TMEM184B: variants seen among roughly 807,000 people sequenced by gnomAD.
TMEM184B encodes transmembrane protein 184B, also known as putative MAPK-activating protein FM08.
A neutral mutation model predicts 41.8 loss-of-function variants in TMEM184B; 17 were observed. The observed-to-expected ratio is 0.41, with a 90% confidence interval of 0.28 to 0.61. TMEM184B has a LOEUF of 0.61. Among genes scored for constraint, TMEM184B ranks in the 20% least tolerant of loss-of-function variants. TMEM184B has a pLI of 0.34. For missense variants in TMEM184B, 393 were observed against 557.8 expected (o/e 0.70, Z 2.98); for synonymous variants, 240 against 229.5 (o/e 1.05, Z -0.41).
At chr22:38,232,682 A>G (rs2091665837) in intron 3 of TMEM184B, among the ~76,000 whole-genome samples, 2 of 152,162 alleles carry the variant, frequency 1.3e-5, no homozygotes, top group South Asian at 4.1e-4. Flanking sequence ...CCTGCAGTAC[A>G]GAGTCCTTTT....
downstream of TMEM184B, among the ~76,000 whole-genome samples, chr22:38,217,785 C>T (rs1460196063): frequency 1.4e-5 from 2 of 147,552 alleles, no homozygotes; most frequent in South Asian, 4.3e-4. Context: ...AAGCTGAGAT[C>T]GCGCCACTGC....
downstream of TMEM184B, among the ~76,000 whole-genome samples, chr22:38,217,773 G>A (rs2091167246): frequency 6.9e-6 from 1 of 145,228 alleles, no homozygotes; most frequent in African/African-American, 2.5e-5. Context: ...AGAGGTTGCA[G>A]TAAGCTGAGA....
Position 38,231,306 on chromosome 22 carries a change from C to T in TMEM184B, c.387G>A (p.Leu129=), listed in dbSNP as rs2091611978. ...EALVIYNFLS[L]CYEYLGGESS... ...TTTCTCCTCCTAGGTACTCATAGCA[C>T]AGGCTCAGGAAATTATAGATGACCA... Residue 129 remains leucine (L), a synonymous_variant, in exon 4 of 9, where the codon CTG becomes CTA. Coordinates refer to ENST00000361906, the MANE Select transcript of TMEM184B (RefSeq NM_012264.5). 1 of 1,614,148 alleles carries T rather than the reference C, an allele frequency of 6.2e-7. No homozygotes were observed. The highest frequency in any genetic ancestry group is 8.5e-7 in the Non-Finnish European group (1 of 1,180,032).
Position 38,264,278 on chromosome 22 carries a change from C to T in TMEM184B, c.-59+8606G>A, listed in dbSNP as rs1398472101. On this transcript the variant is annotated intron_variant, in intron 1 of 8. Transcript: ENST00000361906. ...TCAGTAAAAGGCTAGGCCCACTTGG[C>T]CCCTTGACCCTTCTCAGGGCTCTGA... 2.0e-5 allele frequency among the ~76,000 whole-genome samples: 3 copies of T among 152,208 alleles called. No individual in the cohort carries two copies. In the East Asian group the frequency reaches 5.8e-4, roughly 29 times the overall value.
intron 3 of TMEM184B, among the ~76,000 whole-genome samples, chr22:38,234,676 A>C (rs1324683687): frequency 6.6e-6 from 1 of 152,200 alleles, no homozygotes; most frequent in Non-Finnish European, 1.5e-5. Context: ...CCGCAGAGGC[A>C]GACCCCACTG....
intron 5 of TMEM184B, 31 bp downstream of exon 5, chr22:38,230,638 C>T: frequency 6.3e-7 from 1 of 1,595,874 alleles, no homozygotes. Context: ...CCCTGCTCCT[C>T]CTGAGCTAGG....
intron 3 of TMEM184B, among the ~76,000 whole-genome samples, chr22:38,243,647 G>A (rs1394939207): frequency 6.6e-6 from 1 of 152,190 alleles, no homozygotes; most frequent in African/African-American, 2.4e-5. Flanking sequence ...GCCCTGAGCA[G>A]GTCCCCATCT....
At chr22:38,255,027 T>A (rs1470997452) in intron 1 of TMEM184B, among the ~76,000 whole-genome samples, 1 of 151,928 alleles carries the variant, frequency 6.6e-6, no homozygotes, top group Non-Finnish European at 1.5e-5. Flanking sequence ...ATTTTTTTTA[T>A]TTATTTATTT....
chr22:38,231,773 C>T (rs543793421), intron 3 of TMEM184B: 5 of 351,554 alleles, frequency 1.4e-5, no homozygotes, highest in Non-Finnish European at 2.8e-5. Context: ...GGCAGGAGGA[C>T]GTCTTGAGTC....
intron 1 of TMEM184B, among the ~76,000 whole-genome samples, chr22:38,265,340 C>T (rs1161653340): frequency 6.6e-6 from 1 of 152,180 alleles, no homozygotes. Context: ...TCCTGGAACC[C>T]CCATGGTTTT....
In TMEM184B at chr22:38,220,075, C is replaced by T. The variant is rs2091217554; in HGVS notation, c.*1394G>A. The stretch of plus-strand genomic sequence containing the variant: ...CTTCTCCAGGTGACTGCAGCCCAAA[C>T]CCAGGGATAATCTGGGTTTTAAATG... On this transcript the variant is annotated 3_prime_UTR_variant, in exon 9 of 9. Transcript: ENST00000361906. The T allele has an allele frequency of 1.0e-6, 1 of 985,414 alleles. No homozygotes were observed. Among genetic ancestry groups the T allele is most frequent in the Non-Finnish European group, 1.2e-6 (1 of 829,998 alleles). 61.0% of individuals were successfully genotyped at this position (985,414 alleles called of 1,614,324 possible). A position where few individuals can be genotyped will look rare whatever the true frequency, so the allele number is the denominator to read the frequency against.
At chr22:38,240,144 A>T (rs1360308388) in intron 3 of TMEM184B, among the ~76,000 whole-genome samples, 1 of 152,104 alleles carries the variant, frequency 6.6e-6, no homozygotes, top group Admixed American at 6.6e-5. Context: ...ATATTTGAGG[A>T]GCGCTTCTAA....
At chr22:38,266,613 C>T (rs747522047) in intron 1 of TMEM184B, among the ~76,000 whole-genome samples, 31 of 152,240 alleles carry the variant, frequency 2.0e-4, no homozygotes, top group Admixed American at 1.8e-3. Flanking sequence ...TCTATAGCTA[C>T]CTTTCAAATG....
rs1304611548 is a variant in TMEM184B at position 38,220,439 on chromosome 22, T to C, written c.*1030A>G. The C allele has an allele frequency of 7.1e-6, 7 of 985,636 alleles. No homozygotes were observed. In the Admixed American group the frequency reaches 3.7e-4, roughly 52 times the overall value. 61.1% of individuals were successfully genotyped at this position (985,636 alleles called of 1,614,324 possible). Reference sequence around the variant, plus strand: ...GGTAGAACACCAGGCCCTGTGTGGATAGGGGCCCCGAGAGGAGTCTGGGAC... The same window carrying C: ...GGTAGAACACCAGGCCCTGTGTGGACAGGGGCCCCGAGAGGAGTCTGGGAC... On this transcript the variant is annotated 3_prime_UTR_variant, in exon 9 of 9. Transcript: ENST00000361906.
Position 38,258,337 on chromosome 22 carries a change from G to A in TMEM184B, c.-58-10318C>T, listed in dbSNP as rs1201428142. 2.1e-5 allele frequency among the ~76,000 whole-genome samples: 3 copies of A among 142,198 alleles called. No homozygotes were observed. In the Admixed American group the frequency reaches 2.1e-4, roughly 10 times the overall value. The allele number at this position is 142,198 out of a possible 152,430, so 93.3% of individuals were successfully genotyped here. On this transcript the variant is annotated intron_variant, in intron 1 of 8. Transcript: ENST00000361906. ...TTTTTTTTAGACTAAGTCTCACTCTGTCACCCAGACTGGAGTACAGAGGAA... is the reference window on the plus strand; with the variant it reads ...TTTTTTTTAGACTAAGTCTCACTCTATCACCCAGACTGGAGTACAGAGGAA...
chr22:38,258,811 A>G (rs1411601020), intron 1 of TMEM184B, among the ~76,000 whole-genome samples: 1 of 152,146 alleles, frequency 6.6e-6, no homozygotes, highest in African/African-American at 2.4e-5. Flanking sequence ...GCAGACTTAG[A>G]AGAACCTTTG....
rs2091411151 is a variant in TMEM184B at position 38,225,622 on chromosome 22, G to A, written c.618-29C>T. ...CGGGACGGGGAGCATTTTCTGGCTG[G>A]GACAGACCCTTGGAGGGAAGGGGCT... On this transcript the variant is annotated intron_variant, in intron 6 of 8. Coordinates refer to ENST00000361906, the MANE Select transcript of TMEM184B (RefSeq NM_012264.5). The surrounding 1 kb of genome is among the most constrained non-coding windows in gnomAD (Gnocchi z 4.4). 1.3e-6 allele frequency: 2 copies of A among 1,590,330 alleles called. No individual in the cohort carries two copies. Among genetic ancestry groups the A allele is most frequent in the African/African-American group, 2.7e-5 (2 of 73,146 alleles).
rs937899190 is a variant in TMEM184B at position 38,225,882 on chromosome 22, G to A, written c.618-289C>T. ...GGACACCAGTGTGGAAGCCAGGGCC[G>A]GGCCCGAGGCCATAGCCTGACACTC... On this transcript the variant is annotated intron_variant, in intron 6 of 8. Coordinates refer to ENST00000361906, the MANE Select transcript of TMEM184B (RefSeq NM_012264.5). This position sits in a 1 kb window ranked among gnomAD's most constrained non-coding sequence, Gnocchi z 4.4. Among the ~76,000 whole-genome samples the A allele has an allele frequency of 2.0e-5, 3 of 152,174 alleles. No individual in the cohort carries two copies. The highest frequency in any genetic ancestry group is 4.8e-5 in the African/African-American group (2 of 41,438).
At chr22:38,231,122 G>C (rs1602388521) in intron 4 of TMEM184B, 122 bp downstream of exon 4, 2 of 860,026 alleles carry the variant, frequency 2.3e-6, no homozygotes, top group Middle Eastern at 2.5e-4. Context: ...AATGTGGTGA[G>C]GCACAGCAGG....
Sources: allele counts gnomAD v4.1 joint callset (sites outside exome capture counted in the v4.1 genomes callset), GRCh38; gene constraint gnomAD v4.1.1; non-coding constraint Gnocchi (gnomAD v3.1); transcripts MANE v1.5; gene names NCBI Gene and HGNC (gene_info 2026-07-23, HGNC 2026-07-21).